EML4: variants seen among roughly 807,000 people sequenced by gnomAD.
The protein encoded by EML4 is EMAP like 4.
A neutral mutation model predicts 129.0 loss-of-function variants in EML4; 72 were observed. The observed-to-expected ratio is 0.56, with a 90% CI of 0.46 to 0.68. The LOEUF is 0.68. EML4 is among the 30% of genes least tolerant of loss of function. The probability of loss-of-function intolerance (pLI) is 0.00; values close to 1 mark genes in which losing one functional copy is unlikely to be tolerated. For missense variants in EML4, 1,363 were observed against 1,190.6 expected (o/e 1.14, Z -2.13); for synonymous variants, 532 against 405.0 (o/e 1.31, Z -3.77).
chr2:42,259,742 T>C (rs1189937254), intron 3 of EML4, among the ~76,000 whole-genome samples: 1 of 142,486 alleles, frequency 7.0e-6, no homozygotes, highest in Non-Finnish European at 1.5e-5. Flanking sequence ...TTTTTTTTTT[T>C]TTTTTGAGAC....
chr2:42,250,120 A>G (rs1230370956), intron 2 of EML4, among the ~76,000 whole-genome samples: 2 of 152,216 alleles, frequency 1.3e-5, no homozygotes, highest in Non-Finnish European at 2.9e-5. Context: ...TTAGTACACA[A>G]TGATACGGAA....
At chr2:42,246,827 C>T (rs1269600117) in intron 2 of EML4, among the ~76,000 whole-genome samples, 1 of 152,072 alleles carries the variant, frequency 6.6e-6, no homozygotes, top group African/African-American at 2.4e-5. Flanking sequence ...ACAGAGATGT[C>T]AAATAAAACA....
rs752355985 is a variant in EML4 at position 42,295,492 on chromosome 2, C to G, written c.1465C>G (p.Pro489Ala). Reference sequence around the variant, plus strand: ...TATATGGAGCAAAACTACTGTAGAGCCCACACCTGGGAAAGGACCTAAAGG... The same window carrying G: ...TATATGGAGCAAAACTACTGTAGAGGCCACACCTGGGAAAGGACCTAAAGG... ...MLIWSKTTVEPTPGKGPKGVY... is the reference protein window; with the variant it reads ...MLIWSKTTVEATPGKGPKGVY... Residue 489 changes from proline (P) to alanine (A), a missense_variant, in exon 13 of 23, where the codon CCC (proline) becomes GCC (alanine). By Grantham distance (27) the Pro-to-Ala change is conservative (BLOSUM62 -1). Transcript: ENST00000318522. 1 of 1,613,116 alleles carries G rather than the reference C, an allele frequency of 6.2e-7. No homozygotes were observed. Among genetic ancestry groups the G allele is most frequent in the Non-Finnish European group, 8.5e-7 (1 of 1,179,672 alleles).
intron 1 of EML4, among the ~76,000 whole-genome samples, chr2:42,239,795 A>G (rs527778593): frequency 6.6e-6 from 1 of 152,118 alleles, no homozygotes; most frequent in Non-Finnish European, 1.5e-5. Flanking sequence ...AAGGAAAATG[A>G]TCTAATCTAC....
Position 42,284,691 on chromosome 2 carries a change from T to A in EML4, c.999T>A (p.Asp333Glu). The A allele has an allele frequency of 6.2e-7, 1 of 1,612,584 alleles. No individual in the cohort carries two copies. The highest frequency in any genetic ancestry group is 1.1e-5 in the South Asian group (1 of 90,810). Residue 333 changes from aspartate to glutamate, a missense_variant, in exon 9 of 23, where the codon GAT becomes GAA. By Grantham distance (45) the Asp-to-Glu change is conservative (BLOSUM62 2). Transcript: ENST00000318522. ...CAACTGGACAGATAGCTGGCGTGGA[T>A]AAAGATGGAAGGGTGAGTGGCATAG... The part of the protein sequence containing the change: ...RIATGQIAGV[D>E]KDGRPLQPHV...
chr2:42,294,753 G>C (rs988085083), intron 11 of EML4, among the ~76,000 whole-genome samples: 3 of 151,886 alleles, frequency 2.0e-5, no homozygotes, highest in African/African-American at 7.3e-5. Flanking sequence ...TACAAAGAAA[G>C]ATAAGACTTT....
chr2:42,264,930 A>G (rs1253678927), intron 6 of EML4, 199 bp downstream of exon 6: 49 of 1,550,360 alleles, frequency 3.2e-5, no homozygotes, highest in Non-Finnish European at 4.3e-5. Flanking sequence ...AAAAATGTCA[A>G]CTCGCGAAAA....
intron 6 of EML4, among the ~76,000 whole-genome samples, chr2:42,272,027 C>T (rs936555476): frequency 1.3e-5 from 2 of 148,528 alleles, no homozygotes; most frequent in Non-Finnish European, 3.0e-5. Context: ...CGCTTGAACC[C>T]GGGAGGCGGA....
chr2:42,219,384 T>G (rs1673412946), intron 1 of EML4, among the ~76,000 whole-genome samples: 1 of 152,102 alleles, frequency 6.6e-6, no homozygotes, highest in African/African-American at 2.4e-5. Context: ...TGCCCGGACT[T>G]GGTATATGTA....
intron 1 of EML4, among the ~76,000 whole-genome samples, chr2:42,240,985 A>T (rs2104270837): frequency 6.6e-6 from 1 of 152,234 alleles, no homozygotes; most frequent in Admixed American, 6.5e-5. Flanking sequence ...TATCTACAAA[A>T]AAATAAAAGT....
intron 1 of EML4, among the ~76,000 whole-genome samples, chr2:42,236,716 C>G (rs1027221551): frequency 6.6e-6 from 1 of 152,082 alleles, no homozygotes; most frequent in African/African-American, 2.4e-5. Context: ...TTCAGTTTTA[C>G]TAGATATTGC....
At chr2:42,277,315 A>C (rs1666709850) in intron 6 of EML4, among the ~76,000 whole-genome samples, 1 of 152,212 alleles carries the variant, frequency 6.6e-6, no homozygotes, top group Non-Finnish European at 1.5e-5. Context: ...AGGACAAGGA[A>C]ATACAGATCA....
At chr2:42,192,961 A>C (rs868667815) in intron 1 of EML4, among the ~76,000 whole-genome samples, 1 of 152,180 alleles carries the variant, frequency 6.6e-6, no homozygotes, top group Admixed American at 6.5e-5. Flanking sequence ...ACTCTGAGGT[A>C]GTATAGTGTA....
chr2:42,267,842 G>C (rs1023155430), intron 6 of EML4, among the ~76,000 whole-genome samples: 4 of 152,252 alleles, frequency 2.6e-5, no homozygotes, highest in South Asian at 2.1e-4. Context: ...TTGTGCTCCA[G>C]ATACAGCAGA....
intron 1 of EML4, among the ~76,000 whole-genome samples, chr2:42,236,810 T>G (rs1003571484): frequency 6.6e-6 from 1 of 152,178 alleles, no homozygotes; most frequent in Admixed American, 6.5e-5. Flanking sequence ...TCCATATCTT[T>G]GGGAACACTG....
chr2:42,329,621 G>T (rs1669990049), intron 22 of EML4, 113 bp from the exon 23 acceptor site: 1 of 776,242 alleles, frequency 1.3e-6, no homozygotes, highest in African/African-American at 1.7e-5. Flanking sequence ...CTTTAAATTG[G>T]ATTGCCCATT....
intron 17 of EML4, among the ~76,000 whole-genome samples, chr2:42,313,961 C>T (rs964931378): frequency 6.6e-6 from 1 of 151,088 alleles, no homozygotes; most frequent in African/African-American, 2.4e-5. Flanking sequence ...CCTACCATCA[C>T]GATTCTTTTT....
intron 17 of EML4, among the ~76,000 whole-genome samples, chr2:42,314,500 G>A (rs1020398811): frequency 6.6e-6 from 1 of 152,144 alleles, no homozygotes; most frequent in Non-Finnish European, 1.5e-5. Flanking sequence ...ATTTATATGT[G>A]AATACTTGAG....
intron 1 of EML4, among the ~76,000 whole-genome samples, chr2:42,232,061 T>C (rs1674381326): frequency 6.6e-6 from 1 of 152,134 alleles, no homozygotes; most frequent in Admixed American, 6.5e-5. Context: ...TACTCAAATA[T>C]CTGGATGAAT....
Sources: gnomAD v4.1 joint callset for allele counts (sites outside exome capture counted in the v4.1 genomes callset) on GRCh38, gnomAD v4.1.1 for gene constraint, MANE v1.5 for transcripts, NCBI Gene and HGNC (gene_info 2026-07-23, HGNC 2026-07-21) for gene names.